Variants in NOL4 observed in about 807,000 individuals in gnomAD.
The protein encoded by NOL4 is nucleolar protein 4, also known as cancer/testis antigen 125.
In NOL4, 17 loss-of-function variants were observed where a neutral mutation model predicts 75.9. The observed-to-expected ratio is 0.22, with a 90% CI of 0.15 to 0.34. The LOEUF (loss-of-function observed/expected upper bound fraction) is 0.34, where lower values mean the gene tolerates loss of function less well. Ranked by LOEUF, NOL4 falls within the 10% of genes least tolerant of loss-of-function variation. The probability of loss-of-function intolerance (pLI) is 1.00; values close to 1 mark genes in which losing one functional copy is unlikely to be tolerated. For synonymous variants in NOL4, 292 were observed against 289.9 expected (o/e 1.01, Z -0.07); for missense variants, 614 against 793.5 (o/e 0.77, Z 2.72).
At chr18:34,081,339 C>T (rs1455106881) in intron 5 of NOL4, among the ~76,000 whole-genome samples, 2 of 152,054 alleles carry the variant, frequency 1.3e-5, no homozygotes, top group Non-Finnish European at 2.9e-5. Flanking sequence ...GATAAGTCTA[C>T]TTAACTATAA....
chr18:34,149,058 TTGAC>T (rs1201067583), intron 1 of NOL4, among the ~76,000 whole-genome samples: 1 of 151,734 alleles, frequency 6.6e-6, no homozygotes, highest in Non-Finnish European at 1.5e-5. Context: ...AATTCAGTGT[TTGAC>T]TGCAATTGAG....
intron 5 of NOL4, among the ~76,000 whole-genome samples, chr18:34,020,518 G>A (rs1339741767): frequency 6.6e-6 from 1 of 152,114 alleles, no homozygotes; most frequent in Admixed American, 6.5e-5. Flanking sequence ...TACCTAAGAA[G>A]TTTAATCATT....
chr18:34,028,416 A>C (rs965514099), intron 5 of NOL4, among the ~76,000 whole-genome samples: 1 of 152,194 alleles, frequency 6.6e-6, no homozygotes, highest in Non-Finnish European at 1.5e-5. Context: ...TGAATATATC[A>C]TTTGGTTGTA....
intron 5 of NOL4, among the ~76,000 whole-genome samples, chr18:34,042,699 T>G (rs1042944423): frequency 6.6e-6 from 1 of 152,066 alleles, no homozygotes; most frequent in African/African-American, 2.4e-5. Flanking sequence ...TTTCCTTTAA[T>G]TCCCCAAACA....
chr18:33,898,370 TCA>T (rs1390260385), intron 9 of NOL4, among the ~76,000 whole-genome samples: 3 of 152,196 alleles, frequency 2.0e-5, no homozygotes, highest in African/African-American at 4.8e-5. Flanking sequence ...ACCCCTAGTC[TCA>T]GTTTTCCCCT....
At chr18:34,066,110 A>T (rs1460916249) in intron 5 of NOL4, among the ~76,000 whole-genome samples, 1 of 151,970 alleles carries the variant, frequency 6.6e-6, no homozygotes, top group Non-Finnish European at 1.5e-5. Flanking sequence ...ATAAAAATTT[A>T]AATTTGTTTT....
chr18:34,097,345 T>C (rs1173704241), intron 4 of NOL4, among the ~76,000 whole-genome samples: 3 of 152,138 alleles, frequency 2.0e-5, no homozygotes, highest in Admixed American at 6.6e-5. Context: ...AAATTCATCA[T>C]CTCAAATCTC....
chr18:34,064,947 AC>A (rs1406718988), intron 5 of NOL4, among the ~76,000 whole-genome samples: 662 of 58,998 alleles, frequency 0.011, 11 homozygotes, highest in African/African-American at 0.028. Context: ...ACACACACAC[AC>A]ACACATCATA....
At chr18:34,047,437 G>A (rs1479923976) in intron 5 of NOL4, among the ~76,000 whole-genome samples, 1 of 151,946 alleles carries the variant, frequency 6.6e-6, no homozygotes, top group Admixed American at 6.6e-5. Context: ...ATGTATCACG[G>A]ATGTAGCCTG....
At chr18:33,984,923 T>C (rs914416125) in intron 6 of NOL4, among the ~76,000 whole-genome samples, 4 of 152,108 alleles carry the variant, frequency 2.6e-5, no homozygotes, top group Admixed American at 2.0e-4. Flanking sequence ...TTAGCATTTG[T>C]ACAAGGACTA....
intron 6 of NOL4, among the ~76,000 whole-genome samples, chr18:33,977,479 T>C (rs1471201238): frequency 6.6e-6 from 1 of 152,166 alleles, no homozygotes; most frequent in East Asian, 1.9e-4. Flanking sequence ...AGATGTGACT[T>C]TGTTCCTCTT....
intron 1 of NOL4, among the ~76,000 whole-genome samples, chr18:34,190,745 T>G (rs185593557): frequency 2.2e-3 from 339 of 151,716 alleles, no homozygotes; most frequent in Non-Finnish European, 3.8e-3. Flanking sequence ...CATAAATATA[T>G]TTTACCAATA....
intron 4 of NOL4, among the ~76,000 whole-genome samples, chr18:34,095,980 G>T (rs1248244383): frequency 6.6e-6 from 1 of 151,886 alleles, no homozygotes; most frequent in Non-Finnish European, 1.5e-5. Flanking sequence ...GTATGTGTGT[G>T]TGTATTTATG....
Position 33,988,615 on chromosome 18 carries a change from C to G in NOL4, c.1057-30197G>C, listed in dbSNP as rs1204654861. Among the ~76,000 whole-genome samples, 6 of 152,030 alleles carry G rather than the reference C, an allele frequency of 3.9e-5. No individual in the cohort carries two copies. The South Asian group carries it at 1.0e-3, about 26-fold the overall frequency. On this transcript the variant is annotated intron_variant, in intron 6 of 10. Coordinates refer to ENST00000261592, the MANE Select transcript of NOL4 (RefSeq NM_003787.5). ...TAGATTTGGAGGCAGTGAGGCTCAACCCAGTATAGATGATGTAGATTGACA... is the reference window on the plus strand; with the variant it reads ...TAGATTTGGAGGCAGTGAGGCTCAAGCCAGTATAGATGATGTAGATTGACA...
intron 2 of NOL4, among the ~76,000 whole-genome samples, chr18:34,113,820 C>G (rs2079722321): frequency 6.6e-6 from 1 of 152,110 alleles, no homozygotes; most frequent in South Asian, 2.1e-4. Context: ...CCTCTTCCAA[C>G]TTGAGGCCTA....
rs1471404837 is a variant in NOL4, at chr18:34,059,951, C to T, written c.772+33514G>A. ...TTCCAGCCTTCCCCCACCAGAGCAT[C>T]GGTCATTGAGTGAGCCACCTCTGAC... On this transcript the variant is annotated intron_variant, in intron 5 of 10. Coordinates refer to ENST00000261592, the MANE Select transcript of NOL4 (RefSeq NM_003787.5). Among the ~76,000 whole-genome samples, 8 of 152,042 alleles carry T rather than the reference C, an allele frequency of 5.3e-5. No homozygotes were observed. The South Asian group carries it at 6.2e-4, about 12-fold the overall frequency.
intron 5 of NOL4, among the ~76,000 whole-genome samples, chr18:34,060,892 C>T (rs979037538): frequency 6.6e-6 from 1 of 152,168 alleles, no homozygotes. Flanking sequence ...ATATGAAATT[C>T]CCTGACCTCT....
At chr18:33,983,436 T>C (rs1407999469) in intron 6 of NOL4, among the ~76,000 whole-genome samples, 1 of 148,420 alleles carries the variant, frequency 6.7e-6, no homozygotes, top group East Asian at 1.9e-4. Context: ...CATGTGGAAA[T>C]AGGAGGTAGA....
chr18:34,176,574 G>C (rs1209459022), intron 1 of NOL4, among the ~76,000 whole-genome samples: 1 of 151,976 alleles, frequency 6.6e-6, no homozygotes, highest in Non-Finnish European at 1.5e-5. Flanking sequence ...TTTGGAAATG[G>C]GGCTTTGGGA....
Sources: allele counts gnomAD v4.1 joint callset (sites outside exome capture counted in the v4.1 genomes callset), GRCh38; gene constraint gnomAD v4.1.1; transcripts MANE v1.5; gene names NCBI Gene and HGNC (gene_info 2026-07-23, HGNC 2026-07-21).